The following SHANK1 variants were observed in gnomAD, a reference collection of about 807,000 sequenced individuals.
SHANK1 encodes SH3 and multiple ankyrin repeat domains protein 1.
SHANK1 carries 35 observed loss-of-function variants against 165.6 expected under a neutral mutation model. The observed-to-expected ratio is 0.21, with a 90% CI of 0.16 to 0.28. The LOEUF is 0.28. Among genes scored for constraint, SHANK1 ranks in the 10% least tolerant of loss-of-function variants. The probability of loss-of-function intolerance (pLI) is 1.00; values close to 1 mark genes in which losing one functional copy is unlikely to be tolerated. For synonymous variants in SHANK1, 1,428 were observed against 1,384.8 expected, an observed-to-expected ratio of 1.03 and a Z score of -0.69; for missense variants, 2,681 against 3,036.4, an observed-to-expected ratio of 0.88 and a Z score of 2.75.
chr19:50,697,118 T>C lies in SHANK1; in HGVS notation c.1942A>G (p.Met648Val), dbSNP rs765632755. Residue 648 changes from methionine to valine, a missense_variant, in exon 15 of 24, where the codon ATG becomes GTG. This residue lies in a region of SHANK1 where 147 missense variants were observed against 256.5 expected (regional missense o/e 0.57). Coordinates refer to ENST00000293441, the MANE Select transcript of SHANK1 (RefSeq NM_016148.5). The surrounding 1 kb of genome is among the most constrained non-coding windows in gnomAD (Gnocchi z 4.7). ...CACCTCCCTGGGCCAATCCCATCCA[T>C]TAAGCTTCCGAAGCAAGTCAGCCAG... The part of the protein sequence containing the change: ...SYDSFDAPSL[M>V]DGIGPGSDYI... 6 of 1,611,790 alleles carry C rather than the reference T, an allele frequency of 3.7e-6. No homozygotes were observed. The highest frequency in any genetic ancestry group is 3.3e-5 in the Admixed American group (2 of 59,866).
Position 50,679,542 on chromosome 19 carries a change from A to C in SHANK1, c.2577+6695T>G, listed in dbSNP as rs567359510. Among the ~76,000 whole-genome samples the C allele has an allele frequency of 1.5e-3, 227 of 152,264 alleles. 1 individual carries two copies. Among genetic ancestry groups the C allele is most frequent in the African/African-American group, 5.3e-3 (220 of 41,528 alleles). On this transcript the variant is annotated intron_variant, in intron 21 of 23. Coordinates refer to ENST00000293441, the MANE Select transcript of SHANK1 (RefSeq NM_016148.5). ...CGCTCCCGCGCAGAAGGGACAGCCA[A>C]TCAGAGTGCGCAGCCTTGCATGACG... is the stretch of plus-strand genomic sequence containing the variant.
rs1231515445 is a variant in SHANK1 at position 50,660,392 on chromosome 19, G to A, written c.*1573C>T. ...AGGGTGAGGGCTGGAGGCAGGGAGA[G>A]GCTCGAGTGTGGAAGCATGGTGAGC... On this transcript the variant is annotated 3_prime_UTR_variant, in exon 24 of 24. Transcript: ENST00000293441. 3.9e-5 allele frequency among the ~76,000 whole-genome samples: 6 copies of A among 152,140 alleles called. No individual in the cohort carries two copies. In the East Asian group the frequency reaches 9.7e-4, roughly 25 times the overall value.
chr19:50,667,378 G>T lies in SHANK1; in HGVS notation c.4582C>A (p.Pro1528Thr), dbSNP rs1484189559. ...VPPPSPRRSVPPSPTSPRASE... is the reference protein window; with the variant it reads ...VPPPSPRRSVTPSPTSPRASE... The stretch of plus-strand genomic sequence containing the variant: ...GCCCTCGGGGAGGTCGGGGAGGGGG[G>T]CACGGACCGGCGTGGGCTGGGCGGC... Residue 1528 changes from proline to threonine, a missense_variant, in exon 23 of 24, where the codon CCC (proline) becomes ACC (threonine). Around this residue, in one of 10 missense-constraint regions of SHANK1, gnomAD observed 1,713 missense variants for 1,630.2 expected, o/e 1.05. Transcript: ENST00000293441. The surrounding 1 kb of genome is among the most constrained non-coding windows in gnomAD (Gnocchi z 5.7). 2.0e-6 allele frequency: 3 copies of T among 1,526,164 alleles called. No individual in the cohort carries two copies. The highest frequency in any genetic ancestry group is 2.3e-5 in the East Asian group (1 of 43,536). The allele number at this position is 1,526,164 out of a possible 1,614,324, so 94.5% of individuals were successfully genotyped here.
At chr19:50,687,824 G>C in intron 18 of SHANK1, 99 bp downstream of exon 18, 1 of 1,501,332 alleles carries the variant, frequency 6.7e-7, no homozygotes, top group Non-Finnish European at 9.1e-7. Context: ...AGCAGTGCTA[G>C]GGAAGGGAAG....
intron 12 of SHANK1, among the ~76,000 whole-genome samples, chr19:50,701,479 C>A (rs558086910): frequency 3.3e-5 from 5 of 152,128 alleles, no homozygotes; most frequent in African/African-American, 1.2e-4. Context: ...AGGTGTGAGC[C>A]ACCTTGTCCG....
intron 21 of SHANK1, among the ~76,000 whole-genome samples, chr19:50,673,515 A>ACC (rs1439531714): frequency 6.6e-6 from 1 of 151,820 alleles, no homozygotes; most frequent in East Asian, 1.9e-4. Context: ...CCTCGGCGAG[A>ACC]CCTTCCCCGG....
chr19:50,689,594 C>G (rs1986479432), intron 15 of SHANK1, among the ~76,000 whole-genome samples: 1 of 152,136 alleles, frequency 6.6e-6, no homozygotes, highest in Non-Finnish European at 1.5e-5. Context: ...TACCAGACAG[C>G]CAGGCTTGGG....
rs1463842342 is a variant in SHANK1, at chr19:50,670,053, C to G, written c.2675-768G>C. Among the ~76,000 whole-genome samples, 1 of 152,098 alleles carries G rather than the reference C, an allele frequency of 6.6e-6. No homozygotes were observed. The highest frequency in any genetic ancestry group is 1.5e-5 in the Non-Finnish European group (1 of 68,018). Reference sequence around the variant, plus strand: ...CGACGCCCACGTTTATGCCTGGGGCCCCATCCTCCGCCCTGAGCTCTGGGC... The same window carrying G: ...CGACGCCCACGTTTATGCCTGGGGCGCCATCCTCCGCCCTGAGCTCTGGGC... On this transcript the variant is annotated intron_variant, in intron 22 of 23. Transcript: ENST00000293441. This position sits in a 1 kb window ranked among gnomAD's most constrained non-coding sequence, Gnocchi z 4.1.
chr19:50,674,291 G>A (rs961308194), intron 21 of SHANK1, among the ~76,000 whole-genome samples: 8 of 151,992 alleles, frequency 5.3e-5, no homozygotes, highest in African/African-American at 1.7e-4. Flanking sequence ...CAGGCACTTC[G>A]GGGCCCTGAC....
At chr19:50,678,482 C>A (rs1281761027) in intron 21 of SHANK1, among the ~76,000 whole-genome samples, 1 of 150,344 alleles carries the variant, frequency 6.7e-6, no homozygotes, top group African/African-American at 2.5e-5. Context: ...GGTGATGAGG[C>A]AGGGATCCGA....
At position 50,666,472 on chromosome 19, in the gene SHANK1, C is replaced by A. The variant is rs765698954; in HGVS notation, c.5488G>T (p.Ala1830Ser). The change falls in exon 23 of 24, where the codon GCC becomes TCC. Residue 1830 changes from alanine to serine, a missense_variant. By Grantham distance (99) the Ala-to-Ser change is moderately conservative (BLOSUM62 1). Coordinates refer to ENST00000293441, the MANE Select transcript of SHANK1 (RefSeq NM_016148.5). ...AGCAGCTTCCGGGGCAGAGAGGAGGCCGTCGGCAAGGGCACCGGTGGGACT... is the reference window on the plus strand; with the variant it reads ...AGCAGCTTCCGGGGCAGAGAGGAGGACGTCGGCAAGGGCACCGGTGGGACT... ...PEVPPVPLPT[A>S]SSLPRKLLPW... 3 of 1,602,884 alleles carry A rather than the reference C, an allele frequency of 1.9e-6. No homozygotes were observed. The highest frequency in any genetic ancestry group is 2.5e-6 in the Non-Finnish European group (3 of 1,176,618).
intron 23 of SHANK1, among the ~76,000 whole-genome samples, chr19:50,663,940 C>CTCTTTT (rs370276151): frequency 0.028 from 3,042 of 108,854 alleles, 70 homozygotes; most frequent in South Asian, 0.05. Flanking sequence ...CTCTCTCTCT[C>CTCTTTT]TTTTTTTTTT....
In SHANK1 at chr19:50,695,745, G is replaced by A. The variant is rs576516726; in HGVS notation, c.1964+1351C>T. ...CACGCAACGCACCTCGACACAGTCG[G>A]CAAGAAAGGCCAGGACATTCAGACT... On this transcript the variant is annotated intron_variant, in intron 15 of 23. Coordinates refer to ENST00000293441, the MANE Select transcript of SHANK1 (RefSeq NM_016148.5). 4.6e-5 allele frequency among the ~76,000 whole-genome samples: 7 copies of A among 152,278 alleles called. No homozygotes were observed. The South Asian group carries it at 1.2e-3, about 27-fold the overall frequency.
chr19:50,705,080 C>G (rs1311628879), intron 8 of SHANK1, among the ~76,000 whole-genome samples: 1 of 151,930 alleles, frequency 6.6e-6, no homozygotes, highest in Admixed American at 6.6e-5. Context: ...GTGACACACA[C>G]CTGTAATCCC....
intron 21 of SHANK1, among the ~76,000 whole-genome samples, chr19:50,681,223 G>A (rs186310589): frequency 6.6e-6 from 1 of 152,208 alleles, no homozygotes; most frequent in Admixed American, 6.5e-5. Context: ...GATGGCAGGT[G>A]GGAAGGAGCA....
In SHANK1 at chr19:50,669,385, C is replaced by T. The variant is rs1050446408; in HGVS notation, c.2675-100G>A. 7.6e-6 allele frequency: 6 copies of T among 787,554 alleles called. No homozygotes were observed. The African/African-American group carries it at 1.0e-4, about 14-fold the overall frequency. The allele number at this position is 787,554 out of a possible 1,614,324, so 48.8% of individuals were successfully genotyped here. ...GCAACAATACTAATGACAAGAATGG[C>T]ACCCCGTATATGCCAGGAACTTCAC... is the stretch of plus-strand genomic sequence containing the variant. On this transcript the variant is annotated intron_variant, in intron 22 of 23. Transcript: ENST00000293441.
At chr19:50,689,759 A>G (rs1986484607) in intron 15 of SHANK1, among the ~76,000 whole-genome samples, 1 of 152,188 alleles carries the variant, frequency 6.6e-6, no homozygotes, top group Non-Finnish European at 1.5e-5. Flanking sequence ...AGTATTTCGC[A>G]CAGTGCCTGG....
In SHANK1 at chr19:50,670,080, C is replaced by T. The variant is rs140859937; in HGVS notation, c.2675-795G>A. Among the ~76,000 whole-genome samples, 1 of 152,146 alleles carries T rather than the reference C, an allele frequency of 6.6e-6. No individual in the cohort carries two copies. Among genetic ancestry groups the T allele is most frequent in the African/African-American group, 2.4e-5 (1 of 41,478 alleles). On this transcript the variant is annotated intron_variant, in intron 22 of 23. Transcript: ENST00000293441. The surrounding 1 kb of genome is among the most constrained non-coding windows in gnomAD (Gnocchi z 4.1). ...CATCCTCCGCCCTGAGCTCTGGGCC[C>T]CTATATTCAAATACCCACACCCAGC...
At chr19:50,691,854 CT>C (rs57133907) in intron 15 of SHANK1, among the ~76,000 whole-genome samples, 2 of 151,060 alleles carry the variant, frequency 1.3e-5, no homozygotes, top group African/African-American at 4.9e-5. Flanking sequence ...TTAAAAAAAT[CT>C]TTTTTTTTGG....
Sources: gnomAD v4.1 joint callset for allele counts (sites outside exome capture counted in the v4.1 genomes callset) on GRCh38, gnomAD v4.1.1 for gene constraint, gnomAD v4.1.1 regional missense constraint, Gnocchi (gnomAD v3.1) non-coding constraint, MANE v1.5 for transcripts, NCBI Gene and HGNC (gene_info 2026-07-23, HGNC 2026-07-21) for gene names.